The following PRDM6 variants were observed in gnomAD, a reference collection of about 807,000 sequenced individuals.
The protein encoded by PRDM6 is PR/SET domain 6.
In PRDM6, 25 loss-of-function variants were observed where a neutral mutation model predicts 60.8. The observed-to-expected ratio is 0.41, with a 90% CI of 0.30 to 0.57. The LOEUF (loss-of-function observed/expected upper bound fraction) is 0.57. Ranked by LOEUF, PRDM6 falls within the 20% of genes least tolerant of loss-of-function variation. The pLI, the probability that PRDM6 is intolerant of heterozygous loss-of-function variation, is 0.27. For missense variants in PRDM6, 839 were observed against 821.3 expected (o/e 1.02, Z -0.26); for synonymous variants, 407 against 357.4 (o/e 1.14, Z -1.57).
intron 3 of PRDM6, among the ~76,000 whole-genome samples, chr5:123,150,273 C>T (rs770728354): frequency 2.0e-5 from 3 of 152,208 alleles, no homozygotes; most frequent in Admixed American, 2.0e-4. Context: ...ACAATTGTAA[C>T]TCACATGCAT....
intron 3 of PRDM6, among the ~76,000 whole-genome samples, chr5:123,120,419 G>C (rs1224980859): frequency 2.0e-5 from 3 of 152,178 alleles, no homozygotes; most frequent in African/African-American, 7.2e-5. Flanking sequence ...CAGTGGACAG[G>C]GTGAGAGGTG....
At chr5:123,115,059 C>G (rs1453603398) in intron 3 of PRDM6, among the ~76,000 whole-genome samples, 1 of 152,138 alleles carries the variant, frequency 6.6e-6, no homozygotes, top group Non-Finnish European at 1.5e-5. Context: ...GTATGCAGAG[C>G]TTTGACTAGA....
intron 3 of PRDM6, among the ~76,000 whole-genome samples, chr5:123,130,381 CTCTT>C (rs1430398510): frequency 7.7e-6 from 1 of 129,374 alleles, no homozygotes; most frequent in Admixed American, 9.0e-5. Context: ...CCTTTTTTCT[CTCTT>C]TATCTCTTTC....
chr5:123,127,258 G>A (rs1449689310), intron 3 of PRDM6, among the ~76,000 whole-genome samples: 2 of 152,088 alleles, frequency 1.3e-5, no homozygotes, highest in Admixed American at 6.5e-5. Flanking sequence ...GGCTGGTGTC[G>A]AACTCTTGAC....
rs192488327 is a variant in PRDM6, at chr5:123,151,342, G to T, written c.901-4542G>T. Reference sequence around the variant, plus strand: ...CCCCCTCCCCATGCTGAAATCCAGGGAACCCGTTCGGGGAGGAGCAGATTC... The same window carrying T: ...CCCCCTCCCCATGCTGAAATCCAGGTAACCCGTTCGGGGAGGAGCAGATTC... On this transcript the variant is annotated intron_variant, in intron 3 of 7. Coordinates refer to ENST00000407847, the MANE Select transcript of PRDM6 (RefSeq NM_001136239.4). Among the ~76,000 whole-genome samples, 247 of 152,206 alleles carry T rather than the reference G, an allele frequency of 1.6e-3. 6 individuals are homozygous for T. The South Asian group carries it at 0.028, about 17-fold the overall frequency.
At chr5:123,166,297 C>T (rs557260188) in intron 5 of PRDM6, among the ~76,000 whole-genome samples, 1 of 152,320 alleles carries the variant, frequency 6.6e-6, no homozygotes, top group South Asian at 2.1e-4. Context: ...TTTGCATTGC[C>T]TTTTCCTCCC....
chr5:123,156,132 A>ATT (rs35231752), intron 4 of PRDM6, 121 bp downstream of exon 4: 483 of 774,900 alleles, frequency 6.2e-4, no homozygotes, highest in South Asian at 3.2e-3. Flanking sequence ...ACTGGCAGAC[A>ATT]TTTTTTTTTT....
chr5:123,111,692 C>CAAAACAAAACAAAAAA (rs1764318008), intron 3 of PRDM6, among the ~76,000 whole-genome samples: 1 of 149,406 alleles, frequency 6.7e-6, no homozygotes, highest in African/African-American at 2.5e-5. Context: ...AGCGAGAAAA[C>CAAAACAAAACAAAAAA]AAAACAAAAC....
In PRDM6 at chr5:123,099,976, G is replaced by A. The variant is rs1177867013; in HGVS notation, c.900+15G>A. ...ATCTCTGGGAGGTAAGTGGCCGGCTGCACAGCGCCTCCCCACCGAGCAGGA... is the reference window on the plus strand; with the variant it reads ...ATCTCTGGGAGGTAAGTGGCCGGCTACACAGCGCCTCCCCACCGAGCAGGA... On this transcript the variant is annotated intron_variant, in intron 3 of 7. Coordinates refer to ENST00000407847, the MANE Select transcript of PRDM6 (RefSeq NM_001136239.4). The surrounding 1 kb of genome is among the most constrained non-coding windows in gnomAD (Gnocchi z 4.0). 1.3e-6 allele frequency: 2 copies of A among 1,488,690 alleles called. No homozygotes were observed. Among genetic ancestry groups the A allele is most frequent in the East Asian group, 2.5e-5 (1 of 39,338 alleles). 92.2% of individuals were successfully genotyped at this position (1,488,690 alleles called of 1,614,324 possible).
chr5:123,168,949 T>G (rs555531041), intron 5 of PRDM6, among the ~76,000 whole-genome samples: 13 of 152,356 alleles, frequency 8.5e-5, no homozygotes, highest in African/African-American at 3.1e-4. Context: ...CCCCCACCGT[T>G]GAGGATGCCT....
At chr5:123,166,751 C>G (rs1437064911) in intron 5 of PRDM6, among the ~76,000 whole-genome samples, 1 of 152,194 alleles carries the variant, frequency 6.6e-6, no homozygotes, top group Non-Finnish European at 1.5e-5. Context: ...GTAAACTGAA[C>G]TTAGTTTTAT....
In PRDM6 at chr5:123,157,570, G is replaced by T. The variant is rs78520033; in HGVS notation, c.1028+1559G>T. On this transcript the variant is annotated intron_variant, in intron 4 of 7. Coordinates refer to ENST00000407847, the MANE Select transcript of PRDM6 (RefSeq NM_001136239.4). ...GCTTACACTATGAGCTCTCTCTGCC[G>T]ATCTGTTTTCGATTACTTCAGATCT... is the stretch of plus-strand genomic sequence containing the variant. Among the ~76,000 whole-genome samples, 5 of 152,156 alleles carry T rather than the reference G, an allele frequency of 3.3e-5. No individual in the cohort carries two copies. The South Asian group carries it at 8.3e-4, about 25-fold the overall frequency.
intron 3 of PRDM6, among the ~76,000 whole-genome samples, chr5:123,138,405 C>A (rs1204567578): frequency 6.6e-6 from 1 of 152,184 alleles, no homozygotes; most frequent in Non-Finnish European, 1.5e-5. Context: ...TGCATATGAG[C>A]ATTTACTCAT....
intron 3 of PRDM6, among the ~76,000 whole-genome samples, chr5:123,101,353 G>A (rs778663493): frequency 6.6e-6 from 1 of 152,146 alleles, no homozygotes; most frequent in African/African-American, 2.4e-5. Flanking sequence ...AAATGAGGAC[G>A]TGGAAGCCAA....
Position 123,188,025 on chromosome 5 carries a change from A to G in PRDM6, c.*824A>G, listed in dbSNP as rs1365938563. On this transcript the variant is annotated 3_prime_UTR_variant, in exon 8 of 8. Transcript: ENST00000407847. ...CTTAAAAAAAAAAAAAGAAAATGAAAATAAAGTTCTTTGGTTTAAGGCTGG... is the reference window on the plus strand; with the variant it reads ...CTTAAAAAAAAAAAAAGAAAATGAAGATAAAGTTCTTTGGTTTAAGGCTGG... 6.6e-6 allele frequency: 1 copy of G among 152,152 alleles called. No homozygotes were observed. Among genetic ancestry groups the G allele is most frequent in the Non-Finnish European group, 1.5e-5 (1 of 68,022 alleles). The allele number at this position is 152,152 out of a possible 1,614,324, so 9.4% of individuals were successfully genotyped here. A position where few individuals can be genotyped will look rare whatever the true frequency, so the allele number is the denominator to read the frequency against.
chr5:123,094,830 C>T (rs1041767771), intron 2 of PRDM6, among the ~76,000 whole-genome samples: 4 of 152,132 alleles, frequency 2.6e-5, no homozygotes, highest in Admixed American at 1.3e-4. Context: ...ATTCTCTCAC[C>T]CTCACAAACT....
intron 7 of PRDM6, among the ~76,000 whole-genome samples, chr5:123,185,229 A>G (rs1231353884): frequency 6.6e-6 from 1 of 152,224 alleles, no homozygotes; most frequent in East Asian, 1.9e-4. Context: ...TTAAAAATGC[A>G]AAACCATGAC....
chr5:123,145,167 AG>A (rs1765212087), intron 3 of PRDM6, among the ~76,000 whole-genome samples: 1 of 152,192 alleles, frequency 6.6e-6, no homozygotes, highest in Admixed American at 6.5e-5. Context: ...TTAAGTCCTG[AG>A]GTCCTTTTTG....
chr5:123,125,289 T>C (rs1317656441), intron 3 of PRDM6, among the ~76,000 whole-genome samples: 1 of 152,164 alleles, frequency 6.6e-6, no homozygotes, highest in African/African-American at 2.4e-5. Context: ...TAAGTCTTGG[T>C]GACTCATAGT....
Sources: allele counts gnomAD v4.1 joint callset (sites outside exome capture counted in the v4.1 genomes callset), GRCh38; gene constraint gnomAD v4.1.1; non-coding constraint Gnocchi (gnomAD v3.1); transcripts MANE v1.5; gene names NCBI Gene and HGNC (gene_info 2026-07-23, HGNC 2026-07-21).